TENM3: variants seen among roughly 807,000 people sequenced by gnomAD.
TENM3 encodes teneurin transmembrane protein 3, also known as teneurin-3.
In TENM3, 63 loss-of-function variants were observed where a neutral mutation model predicts 255.1. That is an observed-to-expected ratio of 0.25 (90% CI 0.20 to 0.30). The LOEUF is 0.30. Ranked by LOEUF, TENM3 falls within the 10% of genes least tolerant of loss-of-function variation. The pLI is 1.00. For missense variants in TENM3, 2,929 were observed against 3,461.1 expected, an observed-to-expected ratio of 0.85 and a Z score of 3.86; for synonymous variants, 1,306 against 1,322.3, an observed-to-expected ratio of 0.99 and a Z score of 0.27.
At chr4:182,170,442 A>C (rs961859929) in intron 1 of TENM3, among the ~76,000 whole-genome samples, 7 of 152,130 alleles carry the variant, frequency 4.6e-5, no homozygotes, top group African/African-American at 1.4e-4. Context: ...GATTTGTGAA[A>C]TTGACAAATT....
the TENM3 span, among the ~76,000 whole-genome samples, chr4:181,803,599 G>T: frequency 6.6e-6 from 1 of 152,006 alleles, no homozygotes; most frequent in South Asian, 2.1e-4. Context: ...CCATGGTCCA[G>T]GCCAGTAAGG....
At chr4:181,907,504 G>A in the TENM3 span, among the ~76,000 whole-genome samples, 1 of 152,164 alleles carries the variant, frequency 6.6e-6, no homozygotes, top group Non-Finnish European at 1.5e-5. Context: ...GGACACAGAG[G>A]CATGTCAGCC....
At chr4:182,263,590 A>G (rs1759020905) in intron 1 of TENM3, among the ~76,000 whole-genome samples, 1 of 132,692 alleles carries the variant, frequency 7.5e-6, no homozygotes, top group South Asian at 2.1e-4. Context: ...GACATGGGCA[A>G]TTCCCCCCCC....
At chr4:181,954,007 G>A in the TENM3 span, among the ~76,000 whole-genome samples, 2 of 152,112 alleles carry the variant, frequency 1.3e-5, no homozygotes, top group African/African-American at 4.8e-5. Flanking sequence ...ACAACTAGCG[G>A]CTTCTGTCAC....
chr4:182,730,465 C>A, intron 15 of TENM3, 146 bp downstream of exon 15: 1 of 871,956 alleles, frequency 1.1e-6, no homozygotes, highest in Non-Finnish European at 1.7e-6. Flanking sequence ...GTACATATGG[C>A]AGAGATTTAA....
At chr4:182,038,065 C>G in the TENM3 span, among the ~76,000 whole-genome samples, 3 of 152,042 alleles carry the variant, frequency 2.0e-5, no homozygotes, top group African/African-American at 7.2e-5. Context: ...TTCTACTTCG[C>G]GTGATTTTGC....
chr4:181,859,359 T>G, the TENM3 span, among the ~76,000 whole-genome samples: 1 of 151,730 alleles, frequency 6.6e-6, no homozygotes, highest in Non-Finnish European at 1.5e-5. Context: ...TTAAAAATAG[T>G]CCCTTTCTAG....
At chr4:182,133,948 T>A in the TENM3 span, among the ~76,000 whole-genome samples, 4 of 152,150 alleles carry the variant, frequency 2.6e-5, no homozygotes, top group Non-Finnish European at 5.9e-5. Context: ...AATTTATTGG[T>A]CCTATCCTTG....
At chr4:181,483,527 A>T in the TENM3 span, among the ~76,000 whole-genome samples, 7 of 152,242 alleles carry the variant, frequency 4.6e-5, no homozygotes, top group Middle Eastern at 0.01. Flanking sequence ...AAAACAAAAG[A>T]TATGTAATAT....
intron 22 of TENM3, among the ~76,000 whole-genome samples, chr4:182,759,127 G>A (rs1762944151): frequency 6.6e-6 from 1 of 152,046 alleles, no homozygotes; most frequent in South Asian, 2.1e-4. Flanking sequence ...TGTTTTTCTT[G>A]GTACAAACTT....
chr4:182,769,375 C>A (rs1454342859), intron 22 of TENM3, among the ~76,000 whole-genome samples: 3 of 151,468 alleles, frequency 2.0e-5, no homozygotes, highest in Non-Finnish European at 4.4e-5. Context: ...GTTTTCATTT[C>A]TGTTGACATA....
Position 182,681,321 on chromosome 4 carries a change from C to A in TENM3, c.1835-493C>A, listed in dbSNP as rs543979276. 3.9e-5 allele frequency among the ~76,000 whole-genome samples: 6 copies of A among 152,302 alleles called. No homozygotes were observed. In the South Asian group the frequency reaches 1.0e-3, roughly 26 times the overall value. ...AAGTCTCTGGAATTAAATTTTCAGG[C>A]CATTGACCCTACAAGTGTAAAGTTT... On this transcript the variant is annotated intron_variant, in intron 10 of 27. Transcript: ENST00000511685.
chr4:181,478,661 C>T, the TENM3 span, among the ~76,000 whole-genome samples: 2 of 152,162 alleles, frequency 1.3e-5, no homozygotes, highest in African/African-American at 4.8e-5. Flanking sequence ...ACTTTCTCTT[C>T]AGCATACTTT....
At chr4:182,652,937 A>T (rs1027395559) in intron 5 of TENM3, among the ~76,000 whole-genome samples, 10 of 152,218 alleles carry the variant, frequency 6.6e-5, no homozygotes, top group African/African-American at 2.4e-4. Context: ...TGACAGCGAC[A>T]CATTTTTCTA....
the TENM3 span, among the ~76,000 whole-genome samples, chr4:181,729,340 C>A: frequency 6.6e-6 from 1 of 152,268 alleles, no homozygotes; most frequent in Admixed American, 6.5e-5. Context: ...TCTAAACGTG[C>A]TTGCCAGGAT....
intron 22 of TENM3, among the ~76,000 whole-genome samples, chr4:182,760,881 G>A (rs1763132289): frequency 1.3e-5 from 2 of 152,316 alleles, no homozygotes; most frequent in Admixed American, 1.3e-4. Context: ...GACAGGCAAT[G>A]TGAACAGCGC....
chr4:181,683,559 T>C, the TENM3 span, among the ~76,000 whole-genome samples: 1 of 152,222 alleles, frequency 6.6e-6, no homozygotes, highest in Non-Finnish European at 1.5e-5. Context: ...CTGATGCTGA[T>C]GCGACTGGTC....
At chr4:181,951,021 A>G in the TENM3 span, among the ~76,000 whole-genome samples, 1 of 152,232 alleles carries the variant, frequency 6.6e-6, no homozygotes, top group African/African-American at 2.4e-5. Flanking sequence ...CAGCCTGGGC[A>G]ACAGAGCAAG....
chr4:181,458,923 G>A, the TENM3 span, among the ~76,000 whole-genome samples: 1 of 152,054 alleles, frequency 6.6e-6, no homozygotes, highest in African/African-American at 2.4e-5. Context: ...TACCTAGAGA[G>A]TGCTATTCCT....
Sources: allele counts gnomAD v4.1 joint callset (sites outside exome capture counted in the v4.1 genomes callset), GRCh38; gene constraint gnomAD v4.1.1; transcripts MANE v1.5; gene names NCBI Gene and HGNC (gene_info 2026-07-23, HGNC 2026-07-21).